TTBK1: variants seen among roughly 807,000 people sequenced by gnomAD.
The protein encoded by TTBK1 is tau tubulin kinase 1.
TTBK1 carries 34 observed loss-of-function variants against 108.5 expected under a neutral mutation model. That is an observed-to-expected ratio of 0.31 (90% CI 0.24 to 0.42). The LOEUF is 0.42. Ranked by LOEUF, TTBK1 falls within the 10% of genes least tolerant of loss-of-function variation. TTBK1 has a pLI of 1.00. For synonymous variants in TTBK1, 809 were observed against 795.1 expected (o/e 1.02, Z -0.29); for missense variants, 1,539 against 1,826.0 (o/e 0.84, Z 2.86).
Position 43,258,598 on chromosome 6 carries a change from TA to T in TTBK1, c.1017-430del, listed in dbSNP as rs144458994. Among the ~76,000 whole-genome samples, 301 of 150,662 alleles carry T rather than the reference TA, an allele frequency of 2.0e-3. 1 individual carries two copies. Among genetic ancestry groups the T allele is most frequent in the African/African-American group, 6.0e-3 (247 of 41,058 alleles). On this transcript the variant is annotated intron_variant, in intron 10 of 14. Coordinates refer to ENST00000259750, the MANE Select transcript of TTBK1 (RefSeq NM_032538.3). ...AGTTTAATCATCAAAGAAGATTAAA[TA>T]AAAAAAAAATTTAAGTGTATATTCA...
Position 43,259,302 on chromosome 6 carries a change from C to A in TTBK1, c.1248+33C>A, listed in dbSNP as rs375386258. ...CCGCCAGGGCGAAGGGCGTGGGTGGCCTTTTCTCTCACCCCCGATTCCCAG... is the reference window on the plus strand; with the variant it reads ...CCGCCAGGGCGAAGGGCGTGGGTGGACTTTTCTCTCACCCCCGATTCCCAG... On this transcript the variant is annotated intron_variant, in intron 11 of 14. Coordinates refer to ENST00000259750, the MANE Select transcript of TTBK1 (RefSeq NM_032538.3). This position sits in a 1 kb window ranked among gnomAD's most constrained non-coding sequence, Gnocchi z 6.7. 140 of 1,500,416 alleles carry A rather than the reference C, an allele frequency of 9.3e-5. No individual in the cohort carries two copies. The highest frequency in any genetic ancestry group is 1.1e-4 in the Non-Finnish European group (128 of 1,114,644). The allele number at this position is 1,500,416 out of a possible 1,614,324, so 92.9% of individuals were successfully genotyped here.
intron 13 of TTBK1, among the ~76,000 whole-genome samples, chr6:43,264,470 G>A (rs182486614): frequency 2.6e-5 from 4 of 152,306 alleles, no homozygotes; most frequent in Admixed American, 2.6e-4. Context: ...GCTCAGGAGA[G>A]GGATCTCGCC....
At chr6:43,258,343 T>G (rs1777432717) in intron 10 of TTBK1, among the ~76,000 whole-genome samples, 1 of 152,162 alleles carries the variant, frequency 6.6e-6, no homozygotes. Context: ...GAGTCTGGGA[T>G]GTTTGAAATC....
At chr6:43,284,407 A>G (rs1055023896) in intron 14 of TTBK1, 95 bp downstream of exon 14, 2 of 1,439,078 alleles carry the variant, frequency 1.4e-6, no homozygotes, top group Non-Finnish European at 1.8e-6. Flanking sequence ...GGGCTATGGA[A>G]GATCAGGAGG....
In TTBK1 at chr6:43,257,870, C is replaced by T. The variant is rs1166355327; in HGVS notation, c.920C>T (p.Ala307Val). The T allele has an allele frequency of 1.2e-6, 2 of 1,613,980 alleles. No homozygotes were observed. The highest frequency in any genetic ancestry group is 1.7e-6 in the Non-Finnish European group (2 of 1,179,976). The stretch of plus-strand genomic sequence containing the variant: ...GAGAGGGGCATTGCCGAGAATGAGG[C>T]CTTTGACTGGGAGAAGGCAGGCACC... ...MKERGIAENE[A>V]FDWEKAGTDA... Residue 307 changes from alanine (A) to valine (V), a missense_variant, in exon 10 of 15, where the codon GCC (alanine) becomes GTC (valine). This residue lies in a region of TTBK1 where 277 missense variants were observed against 332.4 expected (regional missense o/e 0.83). Coordinates refer to ENST00000259750, the MANE Select transcript of TTBK1 (RefSeq NM_032538.3). This position sits in a 1 kb window ranked among gnomAD's most constrained non-coding sequence, Gnocchi z 4.5.
Position 43,246,600 on chromosome 6 carries a change from C to G in TTBK1, c.-54-7C>G, listed in dbSNP as rs1030097527. The G allele has an allele frequency of 7.1e-7, 1 of 1,404,424 alleles. No individual in the cohort carries two copies. 87.0% of individuals were successfully genotyped at this position (1,404,424 alleles called of 1,614,324 possible). A position where few individuals can be genotyped will look rare whatever the true frequency, so the allele number is the denominator to read the frequency against. On this transcript the variant is annotated splice_region_variant and splice_polypyrimidine_tract_variant and intron_variant, in intron 1 of 14. Coordinates refer to ENST00000259750, the MANE Select transcript of TTBK1 (RefSeq NM_032538.3). ...CCCGCCCTCACAGGCCCTCCTCACT[C>G]CCCTAGGTAGATGGCCCCCTCAGGG...
At position 43,269,729 on chromosome 6, in the gene TTBK1, G is replaced by A; in HGVS notation, c.1986+6379G>A. ...CGTCCTCCGTGTTCTCCTCCTCCAC[G>A]CTGGAGACGGAGCATTACCCTCACC... On this transcript the variant is annotated intron_variant, in intron 13 of 14. Transcript: ENST00000259750. This position sits in a 1 kb window ranked among gnomAD's most constrained non-coding sequence, Gnocchi z 4.8. The A allele has an allele frequency of 3.1e-6, 5 of 1,609,278 alleles. No homozygotes were observed. The highest frequency in any genetic ancestry group is 4.2e-6 in the Non-Finnish European group (5 of 1,179,528).
At chr6:43,284,845 C>T (rs1034106132) in intron 14 of TTBK1, 138 bp from the exon 15 acceptor site, 2 of 1,337,446 alleles carry the variant, frequency 1.5e-6, no homozygotes, top group African/African-American at 3.1e-5. Context: ...CCTCAGTTTA[C>T]CCATCTGTGC....
In TTBK1 at chr6:43,253,024, G is replaced by C. The variant is rs967361180; in HGVS notation, c.256+138G>C. On this transcript the variant is annotated intron_variant, in intron 3 of 14. Coordinates refer to ENST00000259750, the MANE Select transcript of TTBK1 (RefSeq NM_032538.3). The surrounding 1 kb of genome is among the most constrained non-coding windows in gnomAD (Gnocchi z 5.8). ...AAAGGGGATGGAGCCAGGAGCTAAGGGGGAGGTGACGGAGCCAGAGTCTAG... is the reference window on the plus strand; with the variant it reads ...AAAGGGGATGGAGCCAGGAGCTAAGCGGGAGGTGACGGAGCCAGAGTCTAG... The C allele has an allele frequency of 8.6e-7, 1 of 1,161,902 alleles. No individual in the cohort carries two copies. 72.0% of individuals were successfully genotyped at this position (1,161,902 alleles called of 1,614,324 possible).
At chr6:43,279,110 G>C (rs984879472) in intron 13 of TTBK1, among the ~76,000 whole-genome samples, 3 of 152,192 alleles carry the variant, frequency 2.0e-5, no homozygotes, top group Non-Finnish European at 4.4e-5. Context: ...CAGTTTCCCA[G>C]TCTGATTTTA....
In TTBK1 at chr6:43,263,613, C is replaced by A. The variant is rs185895429; in HGVS notation, c.1986+263C>A. Among the ~76,000 whole-genome samples, 2 of 152,324 alleles carry A rather than the reference C, an allele frequency of 1.3e-5. No homozygotes were observed. The highest frequency in any genetic ancestry group is 4.8e-5 in the African/African-American group (2 of 41,576). ...GTGACAAGGCAGGAGAAGGGCCTCG[C>A]AGGCCACGGGCACAGTGTTTTGCAC... On this transcript the variant is annotated intron_variant, in intron 13 of 14. Transcript: ENST00000259750. This position sits in a 1 kb window ranked among gnomAD's most constrained non-coding sequence, Gnocchi z 4.7.
In TTBK1 at chr6:43,263,025, A is replaced by T; in HGVS notation, c.1661A>T (p.Asp554Val). The T allele has an allele frequency of 6.2e-7, 1 of 1,602,076 alleles. No homozygotes were observed. The highest frequency in any genetic ancestry group is 8.5e-7 in the Non-Finnish European group (1 of 1,174,734). ...VIIDKETELK[D>V]FPPGAEPSTS... is the part of the protein sequence containing the mutation. The stretch of plus-strand genomic sequence containing the variant: ...ATCGACAAGGAGACGGAGCTCAAGG[A>T]CTTCCCTCCAGGGGCTGAGCCCAGC... The change falls in exon 13 of 15, where the codon GAC becomes GTC. Residue 554 changes from aspartate to valine, a missense_variant. By Grantham distance (152) the Asp-to-Val change is radical. Coordinates refer to ENST00000259750, the MANE Select transcript of TTBK1 (RefSeq NM_032538.3). The surrounding 1 kb of genome is among the most constrained non-coding windows in gnomAD (Gnocchi z 4.7).
rs753646783 is a variant in TTBK1, at chr6:43,269,734, A to T, written c.1986+6384A>T. On this transcript the variant is annotated intron_variant, in intron 13 of 14. Coordinates refer to ENST00000259750, the MANE Select transcript of TTBK1 (RefSeq NM_032538.3). This position sits in a 1 kb window ranked among gnomAD's most constrained non-coding sequence, Gnocchi z 4.8. Reference sequence around the variant, plus strand: ...TCCGTGTTCTCCTCCTCCACGCTGGAGACGGAGCATTACCCTCACCCCGGC... The same window carrying T: ...TCCGTGTTCTCCTCCTCCACGCTGGTGACGGAGCATTACCCTCACCCCGGC... The T allele has an allele frequency of 6.2e-7, 1 of 1,609,052 alleles. No homozygotes were observed. The highest frequency in any genetic ancestry group is 8.5e-7 in the Non-Finnish European group (1 of 1,179,502).
In TTBK1 at chr6:43,262,978, C is replaced by T. The variant is rs61729330; in HGVS notation, c.1614C>T (p.Phe538=). 2.5e-3 allele frequency: 4,002 copies of T among 1,613,102 alleles called. 83 individuals carry two copies. In the African/African-American group the frequency reaches 0.045, roughly 18 times the overall value. The change falls in exon 13 of 15, where the codon TTC becomes TTT. Residue 538 remains phenylalanine, a synonymous_variant. Coordinates refer to ENST00000259750, the MANE Select transcript of TTBK1 (RefSeq NM_032538.3). ...RSVPLAEEED[F]DSKEWVIIDK... ...TGCCGCTGGCTGAGGAGGAGGATTT[C>T]GACAGCAAAGAGTGGGTCATCATCG...
chr6:43,246,333 A>C (rs1777084940), intron 1 of TTBK1, among the ~76,000 whole-genome samples: 1 of 152,144 alleles, frequency 6.6e-6, no homozygotes, highest in Admixed American at 6.5e-5. Context: ...CATCAGTTAG[A>C]GTATGTCTCT....
chr6:43,277,988 AC>A (rs140478805), intron 13 of TTBK1, among the ~76,000 whole-genome samples: 3,388 of 152,164 alleles, frequency 0.022, 129 homozygotes, highest in African/African-American at 0.078. Flanking sequence ...GCCAGGGCTC[AC>A]CCTCCTGCTT....
At position 43,253,007 on chromosome 6, in the gene TTBK1, T is replaced by C; in HGVS notation, c.256+121T>C. On this transcript the variant is annotated intron_variant, in intron 3 of 14. Coordinates refer to ENST00000259750, the MANE Select transcript of TTBK1 (RefSeq NM_032538.3). This position sits in a 1 kb window ranked among gnomAD's most constrained non-coding sequence, Gnocchi z 5.8. Reference sequence around the variant, plus strand: ...GTCGTGTGGTAGAGGGAAAAGGGGATGGAGCCAGGAGCTAAGGGGGAGGTG... The same window carrying C: ...GTCGTGTGGTAGAGGGAAAAGGGGACGGAGCCAGGAGCTAAGGGGGAGGTG... The C allele has an allele frequency of 7.8e-7, 1 of 1,282,570 alleles. No individual in the cohort carries two copies. The highest frequency in any genetic ancestry group is 1.1e-6 in the Non-Finnish European group (1 of 918,504). The allele number at this position is 1,282,570 out of a possible 1,614,324, so 79.4% of individuals were successfully genotyped here.
rs769197523 is a variant in TTBK1 at position 43,269,818 on chromosome 6, G to A, written c.1986+6468G>A. The A allele has an allele frequency of 1.3e-6, 2 of 1,540,922 alleles. No individual in the cohort carries two copies. Among genetic ancestry groups the A allele is most frequent in the Non-Finnish European group, 1.7e-6 (2 of 1,148,972 alleles). ...ATTCAGCGCAGCCGCTCGGCTGAGA[G>A]CAGCCCTGTGCGGGCGCCCCACCGG... On this transcript the variant is annotated intron_variant, in intron 13 of 14. Transcript: ENST00000259750. This position sits in a 1 kb window ranked among gnomAD's most constrained non-coding sequence, Gnocchi z 4.8.
intron 13 of TTBK1, among the ~76,000 whole-genome samples, chr6:43,266,798 T>C: frequency 6.6e-6 from 1 of 152,096 alleles, no homozygotes; most frequent in Non-Finnish European, 1.5e-5. Context: ...TTTGTATTTT[T>C]AGTAGAGACG....
Sources: gnomAD v4.1 joint callset for allele counts (sites outside exome capture counted in the v4.1 genomes callset) on GRCh38, gnomAD v4.1.1 for gene constraint, gnomAD v4.1.1 regional missense constraint, Gnocchi (gnomAD v3.1) non-coding constraint, MANE v1.5 for transcripts, NCBI Gene and HGNC (gene_info 2026-07-23, HGNC 2026-07-21) for gene names.